Variants in ZNF550 observed in about 807,000 individuals in gnomAD.
ZNF550 encodes zinc finger protein 550.
ZNF550 carries 42 observed loss-of-function variants against 40.2 expected under a neutral mutation model. The ratio of observed to expected loss-of-function variants is 1.05; its 90% CI spans 0.82 to 1.35. The LOEUF is 1.35. Ranked by LOEUF, ZNF550 falls within the 40% of genes most tolerant of loss-of-function variation. ZNF550 has a pLI of 0.00. For missense variants in ZNF550, 549 were observed against 525.2 expected (o/e 1.05, Z -0.44); for synonymous variants, 223 against 198.6 (o/e 1.12, Z -1.03).
chr19:57,552,680 T>G, exon 3 of ZNF550: 3 of 1,598,462 alleles, frequency 1.9e-6, no homozygotes, highest in Non-Finnish European at 2.5e-6. Flanking sequence ...CTCCTGCCCA[T>G]GCTCTAGCAG....
At chr19:57,543,181 CTATTA>C in exon 5 of ZNF550, 1 of 930,752 alleles carries the variant, frequency 1.1e-6, no homozygotes, top group Non-Finnish European at 1.3e-6. Context: ...TGTTGTAGTT[CTATTA>C]TGTTTTTATT....
At chr19:57,547,744 C>A (rs763666781) in exon 4 of ZNF550, 2 of 1,614,152 alleles carry the variant, frequency 1.2e-6, no homozygotes. Context: ...GGAGTGCAGA[C>A]CATCATCTGT....
intron 1 of ZNF550, among the ~76,000 whole-genome samples, chr19:57,557,760 A>G (rs1266021147): frequency 1.3e-5 from 2 of 152,192 alleles, no homozygotes; most frequent in African/African-American, 2.4e-5. Flanking sequence ...GCCGTGGTAA[A>G]GCAAATAAAG....
upstream of ZNF550, chr19:57,559,877 G>T (rs758591051): frequency 8.9e-6 from 4 of 447,162 alleles, no homozygotes; most frequent in Non-Finnish European, 1.5e-5. Flanking sequence ...CCTGTGTCGC[G>T]GTCGCCTGCC....
At chr19:57,560,376 G>C (rs942637416), upstream of ZNF550, among the ~76,000 whole-genome samples, 1 of 152,180 alleles carries the variant, frequency 6.6e-6, no homozygotes, top group African/African-American at 2.4e-5. Flanking sequence ...TGTTGCCCAG[G>C]GCTCAGGAAG....
At chr19:57,555,507 T>G (rs1357150228) in intron 2 of ZNF550, 1 of 152,578 alleles carries the variant, frequency 6.6e-6, no homozygotes, top group Non-Finnish European at 1.5e-5. Flanking sequence ...CCCAGCTAAT[T>G]TTTGTATTTT....
At chr19:57,547,859 C>T in exon 4 of ZNF550, 1 of 1,614,110 alleles carries the variant, frequency 6.2e-7, no homozygotes, top group Non-Finnish European at 8.5e-7. Context: ...AGCCCTTCCT[C>T]ATCCCTAGCT....
exon 4 of ZNF550, chr19:57,546,942 C>A: frequency 6.4e-7 from 1 of 1,573,820 alleles, no homozygotes; most frequent in Admixed American, 1.7e-5. Context: ...TGGGTAAAGG[C>A]CTTGCTGTAT....
chr19:57,559,110 G>T (rs2090147225), intron 1 of ZNF550, among the ~76,000 whole-genome samples: 8 of 152,126 alleles, frequency 5.3e-5, no homozygotes, highest in Admixed American at 5.2e-4. Flanking sequence ...GAGGCCAGAG[G>T]GTCAGACTCC....
chr19:57,560,009 T>A (rs2090157520), upstream of ZNF550: 2 of 339,468 alleles, frequency 5.9e-6, no homozygotes, highest in Non-Finnish European at 1.1e-5. Flanking sequence ...TCTCAGATGA[T>A]CTTAGCGGAG....
chr19:57,546,864 T>C (rs1445975486), exon 4 of ZNF550: 13 of 1,438,704 alleles, frequency 9.0e-6, no homozygotes, highest in Non-Finnish European at 1.2e-5. Flanking sequence ...AAAAGTTTCC[T>C]GACATTCTTT....
chr19:57,558,838 G>A (rs1343362462), intron 1 of ZNF550, among the ~76,000 whole-genome samples: 1 of 152,180 alleles, frequency 6.6e-6, no homozygotes, highest in Non-Finnish European at 1.5e-5. Flanking sequence ...TGGGCCTCAT[G>A]TGTTATCTCC....
chr19:57,559,736 C>T, exon 1 of ZNF550: 1 of 1,421,326 alleles, frequency 7.0e-7, no homozygotes. Context: ...GCTCAAAACC[C>T]TACCCCGGGT....
intron 3 of ZNF550, among the ~76,000 whole-genome samples, chr19:57,548,713 A>G (rs867821586): frequency 6.6e-6 from 1 of 152,232 alleles, no homozygotes; most frequent in Non-Finnish European, 1.5e-5. Flanking sequence ...TGATCCAGCA[A>G]TCCCAGTGGA....
chr19:57,557,917 A>G (rs968401388), intron 1 of ZNF550, among the ~76,000 whole-genome samples: 2 of 152,208 alleles, frequency 1.3e-5, no homozygotes, highest in Non-Finnish European at 2.9e-5. Flanking sequence ...TAAACAGAAA[A>G]TGTTCACTTA....
At chr19:57,547,305 C>T (rs1389496287) in exon 4 of ZNF550, 5 of 1,613,612 alleles carry the variant, frequency 3.1e-6, no homozygotes, top group Non-Finnish European at 4.2e-6. Context: ...ACTCAAAGGG[C>T]TTTTCTCCAG....
exon 2 of ZNF550, chr19:57,556,256 C>T: frequency 6.2e-7 from 1 of 1,614,104 alleles, no homozygotes; most frequent in Admixed American, 1.7e-5. Flanking sequence ...GCCCACAGGT[C>T]TCCAGCATCA....
chr19:57,547,711 G>A, exon 4 of ZNF550: 1 of 1,614,176 alleles, frequency 6.2e-7, no homozygotes, highest in Non-Finnish European at 8.5e-7. Flanking sequence ...AACATCTGCT[G>A]ATAACCACTC....
At position 57,547,861 on chromosome 19, in the gene ZNF550, T is replaced by C. The variant is rs773967546; in HGVS notation, c.383A>G (p.Asp128Gly). Residue 128 changes from aspartate (D) to glycine (G), a missense_variant, in exon 4 of 5, where the codon GAT becomes GGT. Physicochemically the swap from Asp to Gly is moderately conservative, Grantham distance 94 (BLOSUM62 -1). Coordinates refer to ENST00000457177, the Ensembl canonical transcript of ZNF550. ...CTGCATTTCCAAAAGCCCTTCCTCATCCCTAGCTCTCCCCAACCTCGAATC... is the reference window on the plus strand; with the variant it reads ...CTGCATTTCCAAAAGCCCTTCCTCACCCCTAGCTCTCCCCAACCTCGAATC... 2 of 1,614,012 alleles carry C rather than the reference T, an allele frequency of 1.2e-6. No individual in the cohort carries two copies. The highest frequency in any genetic ancestry group is 1.7e-6 in the Non-Finnish European group (2 of 1,180,006).
Sources: gnomAD v4.1 joint callset for allele counts (sites outside exome capture counted in the v4.1 genomes callset) on GRCh38, gnomAD v4.1.1 for gene constraint, MANE v1.5 for transcripts, NCBI Gene and HGNC (gene_info 2026-07-23, HGNC 2026-07-21) for gene names.